Variants in CLSTN2 observed in about 807,000 individuals in gnomAD.
CLSTN2 encodes calsyntenin-2.
Under a neutral mutation model 101.2 loss-of-function variants are expected in CLSTN2, and 48 were observed. That is an observed-to-expected ratio of 0.47 (90% CI 0.38 to 0.60). The LOEUF is 0.60. Among genes scored for constraint, CLSTN2 ranks in the 20% least tolerant of loss-of-function variants. The pLI is 0.00. For synonymous variants in CLSTN2, 481 were observed against 463.6 expected (o/e 1.04, Z -0.48); for missense variants, 1,160 against 1,238.2 (o/e 0.94, Z 0.95).
chr3:140,124,783 T>C (rs1209105747), intron 1 of CLSTN2, among the ~76,000 whole-genome samples: 1 of 152,130 alleles, frequency 6.6e-6, no homozygotes, highest in African/African-American at 2.4e-5. Context: ...AATGAAATGG[T>C]GGCATCATCA....
intron 1 of CLSTN2, among the ~76,000 whole-genome samples, chr3:139,987,720 T>A (rs9828110): frequency 0.33 from 49,813 of 152,114 alleles, 10,107 homozygotes; most frequent in Non-Finnish European, 0.46. Flanking sequence ...CTGCCTCCCA[T>A]GTCCTTGATC....
At chr3:139,973,720 C>T (rs1935761817) in intron 1 of CLSTN2, among the ~76,000 whole-genome samples, 1 of 152,114 alleles carries the variant, frequency 6.6e-6, no homozygotes, top group Non-Finnish European at 1.5e-5. Context: ...CTCATTGCAG[C>T]CTTGACTACC....
intron 2 of CLSTN2, among the ~76,000 whole-genome samples, chr3:140,214,921 C>A (rs925444479): frequency 5.9e-5 from 9 of 152,170 alleles, no homozygotes; most frequent in Non-Finnish European, 1.0e-4. Context: ...CTATTATATG[C>A]ACGTTAATCA....
At chr3:140,309,413 A>T (rs2087143989) in intron 2 of CLSTN2, among the ~76,000 whole-genome samples, 1 of 152,060 alleles carries the variant, frequency 6.6e-6, no homozygotes, top group African/African-American at 2.4e-5. Flanking sequence ...GTGGGGCCAG[A>T]TTTTGCAGGC....
At chr3:140,526,914 T>C (rs928165986) in intron 8 of CLSTN2, among the ~76,000 whole-genome samples, 1 of 152,024 alleles carries the variant, frequency 6.6e-6, no homozygotes, top group Non-Finnish European at 1.5e-5. Flanking sequence ...CTCCTACCTC[T>C]CACCATATAC....
intron 2 of CLSTN2, among the ~76,000 whole-genome samples, chr3:140,385,423 C>A (rs2088039965): frequency 7.5e-6 from 1 of 133,772 alleles, no homozygotes; most frequent in African/African-American, 2.9e-5. Context: ...GGCTGGAGTG[C>A]AGTGGTGCGA....
At chr3:140,046,782 T>C (rs2007890114) in intron 1 of CLSTN2, among the ~76,000 whole-genome samples, 1 of 152,186 alleles carries the variant, frequency 6.6e-6, no homozygotes, top group Admixed American at 6.5e-5. Flanking sequence ...AAGCTTAGTT[T>C]GGACAGCTTT....
intron 1 of CLSTN2, among the ~76,000 whole-genome samples, chr3:140,048,631 C>T (rs1003305279): frequency 1.1e-4 from 17 of 152,066 alleles, no homozygotes; most frequent in African/African-American, 3.9e-4. Context: ...GATAGATTGC[C>T]TAGGGTCATA....
chr3:139,978,973 A>G (rs1048507196), intron 1 of CLSTN2, among the ~76,000 whole-genome samples: 1 of 152,210 alleles, frequency 6.6e-6, no homozygotes, highest in African/African-American at 2.4e-5. Flanking sequence ...ATGTGCCTAT[A>G]GAACTTTGAT....
chr3:140,396,376 T>C (rs1374027241), intron 2 of CLSTN2, among the ~76,000 whole-genome samples: 1 of 152,178 alleles, frequency 6.6e-6, no homozygotes, highest in East Asian at 1.9e-4. Context: ...ATATTTCTGA[T>C]GTTGAAATGA....
intron 2 of CLSTN2, among the ~76,000 whole-genome samples, chr3:140,250,881 G>A (rs986294780): frequency 6.6e-6 from 1 of 151,900 alleles, no homozygotes; most frequent in African/African-American, 2.4e-5. Flanking sequence ...GCTTTTTTTT[G>A]GTGGAAAAGA....
intron 1 of CLSTN2, among the ~76,000 whole-genome samples, chr3:139,982,985 A>G (rs1935957030): frequency 7.4e-6 from 1 of 134,356 alleles, no homozygotes; most frequent in Admixed American, 8.2e-5. Flanking sequence ...TTATATATAT[A>G]GTGTATATAT....
intron 1 of CLSTN2, among the ~76,000 whole-genome samples, chr3:139,938,012 A>G (rs1935058780): frequency 6.6e-6 from 1 of 152,140 alleles, no homozygotes; most frequent in East Asian, 1.9e-4. Context: ...ATGCACTTGC[A>G]TTTTATGTTT....
chr3:140,542,535 G>GGAAA (rs1480655191), intron 9 of CLSTN2, among the ~76,000 whole-genome samples: 34 of 152,176 alleles, frequency 2.2e-4, no homozygotes, highest in African/African-American at 7.9e-4. Context: ...GATATTCAAA[G>GGAAA]GAAAGATTTT....
intron 4 of CLSTN2, among the ~76,000 whole-genome samples, chr3:140,419,235 C>T (rs1015942838): frequency 9.3e-5 from 14 of 151,164 alleles, no homozygotes; most frequent in African/African-American, 3.4e-4. Context: ...GTAATCCCAG[C>T]ACTTTGGGAG....
intron 2 of CLSTN2, among the ~76,000 whole-genome samples, chr3:140,298,963 CT>C (rs1387220338): frequency 6.6e-6 from 1 of 152,142 alleles, no homozygotes; most frequent in African/African-American, 2.4e-5. Flanking sequence ...TGAATAGTGC[CT>C]CACCCAGTGG....
chr3:140,130,995 G>A (rs1256625253), intron 1 of CLSTN2, among the ~76,000 whole-genome samples: 8 of 151,962 alleles, frequency 5.3e-5, no homozygotes, highest in Non-Finnish European at 7.4e-5. Flanking sequence ...CAATAACAGC[G>A]CCAGGAAAAA....
intron 2 of CLSTN2, among the ~76,000 whole-genome samples, chr3:140,291,565 C>G (rs926864700): frequency 6.6e-6 from 1 of 151,944 alleles, no homozygotes; most frequent in African/African-American, 2.4e-5. Flanking sequence ...ATAATGGAGT[C>G]TTTTATTCAT....
intron 1 of CLSTN2, among the ~76,000 whole-genome samples, chr3:139,997,626 A>G (rs1433856465): frequency 1.3e-5 from 2 of 152,308 alleles, no homozygotes; most frequent in South Asian, 2.1e-4. Context: ...ACACATCTGT[A>G]CTTAGTCTTT....
Sources: gnomAD v4.1 joint callset for allele counts (sites outside exome capture counted in the v4.1 genomes callset) on GRCh38, gnomAD v4.1.1 for gene constraint, MANE v1.5 for transcripts, NCBI Gene and HGNC (gene_info 2026-07-23, HGNC 2026-07-21) for gene names.